LEFTY1: variants seen among roughly 807,000 people sequenced by gnomAD.
LEFTY1 encodes the protein left-right determination factor B.
In LEFTY1, 18 loss-of-function variants were observed where a neutral mutation model predicts 22.6. That is an observed-to-expected ratio of 0.80 (90% CI 0.55 to 1.18). The LOEUF (loss-of-function observed/expected upper bound fraction) is 1.18. Ranked by LOEUF, LEFTY1 falls within the 50% of genes most tolerant of loss-of-function variation. The probability of loss-of-function intolerance (pLI) is 0.00; values close to 1 mark genes in which losing one functional copy is unlikely to be tolerated. For missense variants in LEFTY1, 414 were observed against 495.4 expected (o/e 0.84, Z 1.56); for synonymous variants, 201 against 231.5 (o/e 0.87, Z 1.20).
rs1046194729 is a variant in LEFTY1, at chr1:225,886,991, C to A, written c.837G>T (p.Glu279Asp). 6.2e-7 allele frequency: 1 copy of A among 1,610,042 alleles called. No homozygotes were observed. Among genetic ancestry groups the A allele is most frequent in the Non-Finnish European group, 8.5e-7 (1 of 1,177,196 alleles). The change falls in exon 4 of 4, where the codon GAG (glutamate) becomes GAT (aspartate). Residue 279 changes from glutamate to aspartate, a missense_variant. Physicochemically the swap from Glu to Asp is conservative, Grantham distance 45. Transcript: ENST00000272134. ...YIDLQGMKWA[E>D]NWVLEPPGFL... ...AGCCCGGGGGCTCCAGCACCCAGTT[C>A]TCGGCCCACTTCATCCCCTGCAGGT...
rs1276177761 is a variant in LEFTY1, at chr1:225,887,108, G to T, written c.738-18C>A. The stretch of plus-strand genomic sequence containing the variant: ...CCTGAGCTCTGTGTGGGCAAAGAGA[G>T]CAGGGTCAGCGGTCAGCTGGGAGGG... On this transcript the variant is annotated intron_variant, in intron 3 of 3. Transcript: ENST00000272134. The T allele has an allele frequency of 6.3e-7, 1 of 1,592,948 alleles. No homozygotes were observed. The highest frequency in any genetic ancestry group is 2.2e-5 in the East Asian group (1 of 44,696).
chr1:225,887,205 A>G (rs937447571), intron 3 of LEFTY1, 115 bp from the exon 4 acceptor site: 1 of 1,477,522 alleles, frequency 6.8e-7, no homozygotes, highest in African/African-American at 1.4e-5. Context: ...GATGTTTGTG[A>G]TATAGGATGG....
In LEFTY1 at chr1:225,889,015, GGCTGGCCAGGGGCA is replaced by G; in HGVS notation, c.38_51del (p.Leu13SerfsTer235). 6.6e-7 allele frequency: 1 copy of G among 1,520,896 alleles called. No homozygotes were observed. The highest frequency in any genetic ancestry group is 8.8e-7 in the Non-Finnish European group (1 of 1,134,932). The allele number at this position is 1,520,896 out of a possible 1,614,324, so 94.2% of individuals were successfully genotyped here. A position where few individuals can be genotyped will look rare whatever the true frequency, so the allele number is the denominator to read the frequency against. On this transcript the variant is annotated frameshift_variant, in exon 1 of 4. Transcript: ENST00000272134. LOFTEE classifies it high-confidence loss of function. ...TGCTCCCCGGTCAGGGCGGCCCCGG[GGCTGGCCAGGGGCA>G]ACACCCAGAGTGCCCAGCAGAGCCA...
chr1:225,887,060 T>G lies in LEFTY1; in HGVS notation c.768A>C (p.Pro256=). 1.9e-6 allele frequency: 3 copies of G among 1,600,802 alleles called. No individual in the cohort carries two copies. The highest frequency in any genetic ancestry group is 2.6e-6 in the Non-Finnish European group (3 of 1,173,088). ...GAQGDCDPEA[P]MTEGTRCCRQ... ...GGCAGCAGCGGGTGCCCTCGGTCAT[T>G]GGTGCTTCAGGGTCACAGTCGCCCT... is the stretch of plus-strand genomic sequence containing the variant. Residue 256 remains proline (P), a synonymous_variant, in exon 4 of 4, where the codon CCA becomes CCC. Coordinates refer to ENST00000272134, the MANE Select transcript of LEFTY1 (RefSeq NM_020997.4).
In LEFTY1 at chr1:225,888,979, T is replaced by C; in HGVS notation, c.88A>G (p.Ser30Gly). 1 of 1,595,184 alleles carries C rather than the reference T, an allele frequency of 6.3e-7. No homozygotes were observed. Among genetic ancestry groups the C allele is most frequent in the South Asian group, 1.1e-5 (1 of 88,870 alleles). Reference sequence around the variant, plus strand: ...TTGAGCTGCAGCTGCCGCAGCAGGCTGCCCAGGAGCTGCTCCCCGGTCAGG... The same window carrying C: ...TTGAGCTGCAGCTGCCGCAGCAGGCCGCCCAGGAGCTGCTCCCCGGTCAGG... ...AALTGEQLLG[S>G]LLRQLQLKEV... Residue 30 changes from serine to glycine, a missense_variant, in exon 1 of 4, where the codon AGC becomes GGC. Transcript: ENST00000272134.
rs774688647 is a variant in LEFTY1 at position 225,889,031 on chromosome 1, C to CA, written c.35dup (p.Leu13ValfsTer240). The stretch of plus-strand genomic sequence containing the variant: ...CGGCCCCGGGGCTGGCCAGGGGCAA[C>CA]ACCCAGAGTGCCCAGCAGAGCCACA... On this transcript the variant is annotated frameshift_variant, in exon 1 of 4. Coordinates refer to ENST00000272134, the MANE Select transcript of LEFTY1 (RefSeq NM_020997.4). LOFTEE classifies it high-confidence loss of function. 2.7e-6 allele frequency: 4 copies of CA among 1,499,196 alleles called. No individual in the cohort carries two copies. Among genetic ancestry groups the CA allele is most frequent in the Non-Finnish European group, 3.6e-6 (4 of 1,125,516 alleles). 92.9% of individuals were successfully genotyped at this position (1,499,196 alleles called of 1,614,324 possible).
rs374194278 is a variant in LEFTY1 at position 225,886,925 on chromosome 1, C to T, written c.903G>A (p.Pro301=). Residue 301 remains proline, a synonymous_variant, in exon 4 of 4, where the codon CCG becomes CCA. Coordinates refer to ENST00000272134, the MANE Select transcript of LEFTY1 (RefSeq NM_020997.4). ...YECVGTCRQP[P]EALAFKWPFL... ...ACGGCCACTTGAAGGCCAGGGCCTC[C>T]GGGGGCTGCCGGCAGGTGCCCACAC... 16 of 1,613,766 alleles carry T rather than the reference C, an allele frequency of 9.9e-6. No individual in the cohort carries two copies. The highest frequency in any genetic ancestry group is 5.5e-5 in the South Asian group (5 of 91,060).
Position 225,886,823 on chromosome 1 carries a change from C to T in LEFTY1, c.1005G>A (p.Arg335=). Residue 335 remains arginine (R), a synonymous_variant, in exon 4 of 4, where the codon AGG becomes AGA. Coordinates refer to ENST00000272134, the MANE Select transcript of LEFTY1 (RefSeq NM_020997.4). The part of the protein sequence containing the change: ...PMIVSIKEGG[R]TRPQVVSLPN... ...GCAGGCTGACCACCTGGGGCCTGGT[C>T]CTGCCTCCCTCCTTGATGCTGACGA... The T allele has an allele frequency of 1.9e-6, 3 of 1,613,894 alleles. No individual in the cohort carries two copies. The highest frequency in any genetic ancestry group is 2.5e-6 in the Non-Finnish European group (3 of 1,180,044).
intron 2 of LEFTY1, 41 bp downstream of exon 2, chr1:225,887,745 C>A: frequency 6.4e-7 from 1 of 1,561,234 alleles, no homozygotes; most frequent in Non-Finnish European, 8.7e-7. Flanking sequence ...CCGGGCCTAG[C>A]AGCGCCCTCC....
chr1:225,887,740 C>G, intron 2 of LEFTY1, 46 bp downstream of exon 2: 6 of 1,550,740 alleles, frequency 3.9e-6, no homozygotes, highest in Non-Finnish European at 4.4e-6. Context: ...CCAAGCCGGG[C>G]CTAGCAGCGC....
chr1:225,887,730 C>T (rs1469145172), intron 2 of LEFTY1, 56 bp downstream of exon 2: 1 of 1,575,416 alleles, frequency 6.3e-7, no homozygotes, highest in Non-Finnish European at 8.6e-7. Context: ...GTCCCCGCCC[C>T]CAAGCCGGGC....
rs553989274 is a variant in LEFTY1, at chr1:225,888,707, A to C, written c.250+110T>G. ...CACTGCCCCTTAGACCGTGGCCCTC[A>C]CTCAGCCTCCCACAGACCTCTGCAA... On this transcript the variant is annotated intron_variant, in intron 1 of 3. Transcript: ENST00000272134. 3.8e-5 allele frequency: 55 copies of C among 1,458,170 alleles called. No individual in the cohort carries two copies. The Admixed American group carries it at 5.2e-4, about 14-fold the overall frequency. The allele number at this position is 1,458,170 out of a possible 1,614,324, so 90.3% of individuals were successfully genotyped here.
Position 225,886,909 on chromosome 1 carries a change from T to C in LEFTY1, c.919A>G (p.Lys307Glu). ...CRQPPEALAFKWPFLGPRQCI... is the reference protein window; with the variant it reads ...CRQPPEALAFEWPFLGPRQCI... ...TGTCGAGGCCCCAGAAACGGCCACT[T>C]GAAGGCCAGGGCCTCCGGGGGCTGC... The change falls in exon 4 of 4, where the codon AAG becomes GAG. Residue 307 changes from lysine to glutamate, a missense_variant. Transcript: ENST00000272134. The C allele has an allele frequency of 6.2e-7, 1 of 1,613,982 alleles. No individual in the cohort carries two copies. Among genetic ancestry groups the C allele is most frequent in the Non-Finnish European group, 8.5e-7 (1 of 1,180,034 alleles).
At position 225,889,098 on chromosome 1, in the gene LEFTY1, G is replaced by A; in HGVS notation, c.-32C>T. 6.9e-7 allele frequency: 1 copy of A among 1,444,352 alleles called. No individual in the cohort carries two copies. The highest frequency in any genetic ancestry group is 2.8e-5 in the Admixed American group (1 of 35,878). The allele number at this position is 1,444,352 out of a possible 1,614,324, so 89.5% of individuals were successfully genotyped here. A position where few individuals can be genotyped will look rare whatever the true frequency, so the allele number is the denominator to read the frequency against. On this transcript the variant is annotated 5_prime_UTR_variant, in exon 1 of 4. Transcript: ENST00000272134. ...GCCCTGGAGGAGCAAGAGGCAGAGT[G>A]GGGCTGTCCCTTGAGAAGGCTGCAG...
rs1559060499 is a variant in LEFTY1, at chr1:225,889,130, C to G, written c.-64G>C. On this transcript the variant is annotated 5_prime_UTR_variant, in exon 1 of 4. Transcript: ENST00000272134. ...TCCCTTGAGAAGGCTGCAGGAGGGT[C>G]TCAGGCAGCTGGATGTGCTGAGAGC... 1 of 1,416,830 alleles carries G rather than the reference C, an allele frequency of 7.1e-7. No individual in the cohort carries two copies. The highest frequency in any genetic ancestry group is 9.2e-7 in the Non-Finnish European group (1 of 1,088,840). 87.8% of individuals were successfully genotyped at this position (1,416,830 alleles called of 1,614,324 possible).
chr1:225,889,020 G>A lies in LEFTY1; in HGVS notation c.47C>T (p.Ala16Val), dbSNP rs868102179. The change falls in exon 1 of 4, where the codon GCC becomes GTC. Residue 16 changes from alanine to valine, a missense_variant. Ala to Val is a moderately conservative substitution (Grantham distance 64). This residue lies in a region of LEFTY1 where 398 missense variants were observed against 454.7 expected (regional missense o/e 0.88). Transcript: ENST00000272134. ...LCWALWVLPLASPGAALTGEQ... is the reference protein window; with the variant it reads ...LCWALWVLPLVSPGAALTGEQ... ...CCCGGTCAGGGCGGCCCCGGGGCTG[G>A]CCAGGGGCAACACCCAGAGTGCCCA... is the stretch of plus-strand genomic sequence containing the variant. The A allele has an allele frequency of 2.0e-6, 3 of 1,513,270 alleles. No homozygotes were observed. The highest frequency in any genetic ancestry group is 2.4e-5 in the East Asian group (1 of 42,176). 93.7% of individuals were successfully genotyped at this position (1,513,270 alleles called of 1,614,324 possible).
chr1:225,886,926 G>C lies in LEFTY1; in HGVS notation c.902C>G (p.Pro301Arg). 1.9e-6 allele frequency: 3 copies of C among 1,613,820 alleles called. No homozygotes were observed. In the South Asian group the frequency reaches 3.3e-5, roughly 18 times the overall value. The part of the protein sequence containing the change: ...YECVGTCRQP[P>R]EALAFKWPFL... ...CGGCCACTTGAAGGCCAGGGCCTCC[G>C]GGGGCTGCCGGCAGGTGCCCACACA... Residue 301 changes from proline (P) to arginine (R), a missense_variant, in exon 4 of 4, where the codon CCG becomes CGG. This residue lies in a region of LEFTY1 where 398 missense variants were observed against 454.7 expected (regional missense o/e 0.88). Coordinates refer to ENST00000272134, the MANE Select transcript of LEFTY1 (RefSeq NM_020997.4).
At position 225,887,736 on chromosome 1, in the gene LEFTY1, C is replaced by G. The variant is rs533184951; in HGVS notation, c.497+50G>C. Reference sequence around the variant, plus strand: ...CCCCCCCGCGTCCCCGCCCCCAAGCCGGGCCTAGCAGCGCCCTCCCCCTAC... The same window carrying G: ...CCCCCCCGCGTCCCCGCCCCCAAGCGGGGCCTAGCAGCGCCCTCCCCCTAC... On this transcript the variant is annotated intron_variant, in intron 2 of 3. Coordinates refer to ENST00000272134, the MANE Select transcript of LEFTY1 (RefSeq NM_020997.4). 195 of 1,570,806 alleles carry G rather than the reference C, an allele frequency of 1.2e-4. No homozygotes were observed. The East Asian group carries it at 4.3e-3, about 35-fold the overall frequency.
At chr1:225,888,381 C>T (rs1054829809) in intron 1 of LEFTY1, among the ~76,000 whole-genome samples, 22 of 152,144 alleles carry the variant, frequency 1.4e-4, no homozygotes, top group Non-Finnish European at 2.9e-5. Context: ...GATTCAGGCC[C>T]GCTGCACCCC....
Sources: gnomAD v4.1 joint callset for allele counts (sites outside exome capture counted in the v4.1 genomes callset) on GRCh38, gnomAD v4.1.1 for gene constraint, gnomAD v4.1.1 regional missense constraint, MANE v1.5 for transcripts, NCBI Gene and HGNC (gene_info 2026-07-23, HGNC 2026-07-21) for gene names.